The following CNTNAP4 variants were observed in gnomAD, a reference collection of about 807,000 sequenced individuals.
CNTNAP4 encodes the protein contactin-associated protein-like 4.
In CNTNAP4, 98 loss-of-function variants were observed where a neutral mutation model predicts 148.4. That is an observed-to-expected ratio of 0.66 (90% CI 0.56 to 0.78). The LOEUF (loss-of-function observed/expected upper bound fraction) is 0.78. Among genes scored for constraint, CNTNAP4 ranks in the 30% least tolerant of loss-of-function variants. The pLI, the probability that CNTNAP4 is intolerant of heterozygous loss-of-function variation, is 0.00. For missense variants in CNTNAP4, 1,935 were observed against 1,565.6 expected (o/e 1.24, Z -3.98); for synonymous variants, 730 against 565.1 (o/e 1.29, Z -4.14).
At chr16:76,352,587 A>G (rs1168457750) in intron 2 of CNTNAP4, among the ~76,000 whole-genome samples, 2 of 152,108 alleles carry the variant, frequency 1.3e-5, no homozygotes, top group African/African-American at 4.8e-5. Context: ...CTGATGCACC[A>G]TCTACTATGT....
chr16:76,389,668 T>TC (rs1345168198), intron 3 of CNTNAP4, among the ~76,000 whole-genome samples: 2 of 151,926 alleles, frequency 1.3e-5, no homozygotes, highest in Non-Finnish European at 2.9e-5. Context: ...CGCCATGTTG[T>TC]CCAGGCTGGT....
chr16:76,337,707 A>T lies in CNTNAP4; in HGVS notation c.197-17611A>T, dbSNP rs535157304. 1.1e-4 allele frequency among the ~76,000 whole-genome samples: 16 copies of T among 152,252 alleles called. No homozygotes were observed. The South Asian group carries it at 3.1e-3, about 30-fold the overall frequency. On this transcript the variant is annotated intron_variant, in intron 2 of 23. Coordinates refer to ENST00000611870, the MANE Select transcript of CNTNAP4 (RefSeq NM_033401.5). ...GGTAAGCCTGAGGGTACTGCAGGAG[A>T]CCAGGGTGTATTTCATCCCTTATCT...
Position 76,388,594 on chromosome 16 carries a change from A to G in CNTNAP4, c.390+33083A>G, listed in dbSNP as rs141537523. On this transcript the variant is annotated intron_variant, in intron 3 of 23. Coordinates refer to ENST00000611870, the MANE Select transcript of CNTNAP4 (RefSeq NM_033401.5). ...CTATCTAAAAGTCATCTCCTGTAAT[A>G]CTGTGATTTGTAATAATATTTTATG... Among the ~76,000 whole-genome samples the G allele has an allele frequency of 1.4e-3, 219 of 152,322 alleles. 3 individuals are homozygous for G. Among genetic ancestry groups the G allele is most frequent in the Middle Eastern group, 6.8e-3 (2 of 294 alleles).
chr16:76,452,520 T>C lies in CNTNAP4; in HGVS notation c.1084T>C (p.Phe362Leu), dbSNP rs374394050. 3.1e-6 allele frequency: 5 copies of C among 1,614,004 alleles called. No homozygotes were observed. Among genetic ancestry groups the C allele is most frequent in the Non-Finnish European group, 4.2e-6 (5 of 1,179,866 alleles). ...PQIIAMGNVS[F>L]SCSQPQSMPV... is the part of the protein sequence containing the mutation. ...ACTTTATTCTCAGGGAAATGTGTCA[T>C]TTTCTTGTTCACAACCACAATCTAT... The change falls in exon 8 of 24, where the codon TTT becomes CTT. Residue 362 changes from phenylalanine to leucine, a missense_variant. Transcript: ENST00000611870.
chr16:76,522,061 A>G lies in CNTNAP4; in HGVS notation c.2559A>G (p.Ser853=), dbSNP rs778160561. The change falls in exon 17 of 24, where the codon TCA becomes TCG. Residue 853 remains serine, a synonymous_variant. Transcript: ENST00000611870. The stretch of plus-strand genomic sequence containing the variant: ...CAGCTCCGACAGTAGTGACTTTTTC[A>G]TTTGATGTGGGGAATGGGCCTTTTG... ...ELRSPTVVTF[S]FDVGNGPFEI... 4 of 1,613,768 alleles carry G rather than the reference A, an allele frequency of 2.5e-6. No homozygotes were observed. The highest frequency in any genetic ancestry group is 1.7e-5 in the Admixed American group (1 of 60,002).
intron 1 of CNTNAP4, among the ~76,000 whole-genome samples, chr16:76,303,594 C>T (rs564912006): frequency 6.6e-6 from 1 of 152,156 alleles, no homozygotes; most frequent in Non-Finnish European, 1.5e-5. Flanking sequence ...GAATTTCTAA[C>T]TGTATCATCA....
chr16:76,342,708 G>GGCATAAAT (rs1964578232), intron 2 of CNTNAP4, among the ~76,000 whole-genome samples: 1 of 151,962 alleles, frequency 6.6e-6, no homozygotes, highest in African/African-American at 2.4e-5. Context: ...TCCTGACCTC[G>GGCATAAAT]TGATCTGCCC....
rs1204068788 is a variant in CNTNAP4, at chr16:76,559,665, T to C, written c.*982T>C. On this transcript the variant is annotated 3_prime_UTR_variant, in exon 24 of 24. Transcript: ENST00000611870. ...TACATTTCTGTTTTTCTGAAGTTTA[T>C]CACAAACTTCGCCTTGATCTTCAAT... 6.6e-6 allele frequency among the ~76,000 whole-genome samples: 1 copy of C among 152,182 alleles called. No individual in the cohort carries two copies. The highest frequency in any genetic ancestry group is 2.4e-5 in the African/African-American group (1 of 41,452).
At chr16:76,347,191 T>C (rs1302028137) in intron 2 of CNTNAP4, among the ~76,000 whole-genome samples, 2 of 151,940 alleles carry the variant, frequency 1.3e-5, no homozygotes, top group Non-Finnish European at 2.9e-5. Flanking sequence ...CTTAAACTTC[T>C]GTTTGAAAAC....
chr16:76,299,710 G>A (rs1036261115), intron 1 of CNTNAP4, among the ~76,000 whole-genome samples: 10 of 152,120 alleles, frequency 6.6e-5, no homozygotes, highest in African/African-American at 2.2e-4. Flanking sequence ...GTTTATTGTG[G>A]CACTATTCAC....
intron 2 of CNTNAP4, among the ~76,000 whole-genome samples, chr16:76,329,802 A>G (rs752175063): frequency 6.6e-6 from 1 of 152,238 alleles, no homozygotes; most frequent in Non-Finnish European, 1.5e-5. Flanking sequence ...AATTGGCTGT[A>G]TAAAATATAA....
chr16:76,352,349 G>A (rs1173086440), intron 2 of CNTNAP4, among the ~76,000 whole-genome samples: 2 of 152,040 alleles, frequency 1.3e-5, no homozygotes, highest in South Asian at 2.1e-4. Flanking sequence ...TCAAAGACAC[G>A]GTCCATTGTA....
chr16:76,373,168 A>G (rs2015033580), intron 3 of CNTNAP4, among the ~76,000 whole-genome samples: 1 of 151,734 alleles, frequency 6.6e-6, no homozygotes, highest in Non-Finnish European at 1.5e-5. Flanking sequence ...TATATTCCAC[A>G]TAAATAGGTG....
At chr16:76,548,617 C>G (rs991528262) in intron 21 of CNTNAP4, among the ~76,000 whole-genome samples, 12 of 151,952 alleles carry the variant, frequency 7.9e-5, no homozygotes, top group Non-Finnish European at 1.3e-4. Flanking sequence ...AGAAGTCACT[C>G]CCTTTGTTGG....
chr16:76,369,829 G>A (rs1042662556), intron 3 of CNTNAP4, among the ~76,000 whole-genome samples: 3 of 152,152 alleles, frequency 2.0e-5, no homozygotes, highest in Non-Finnish European at 2.9e-5. Flanking sequence ...GCAACAGAGT[G>A]AGACCCTGTT....
At chr16:76,474,992 T>G (rs1214677431) in intron 10 of CNTNAP4, among the ~76,000 whole-genome samples, 2 of 152,182 alleles carry the variant, frequency 1.3e-5, no homozygotes, top group East Asian at 3.9e-4. Context: ...TCTCAAGACT[T>G]GAAACCAGAT....
chr16:76,490,337 G>C (rs1013355000), intron 13 of CNTNAP4, among the ~76,000 whole-genome samples: 1 of 152,174 alleles, frequency 6.6e-6, no homozygotes, highest in African/African-American at 2.4e-5. Context: ...TGGAAAATTA[G>C]AAAAGGCTGC....
chr16:76,437,258 T>C (rs562879899), intron 4 of CNTNAP4, among the ~76,000 whole-genome samples: 1 of 152,192 alleles, frequency 6.6e-6, no homozygotes, highest in South Asian at 2.1e-4. Context: ...TGGGTCTGCC[T>C]TCCCCAGCCC....
intron 13 of CNTNAP4, among the ~76,000 whole-genome samples, chr16:76,490,664 C>T (rs531052046): frequency 6.6e-6 from 1 of 152,212 alleles, no homozygotes; most frequent in South Asian, 2.1e-4. Flanking sequence ...AAATGCTGCC[C>T]CCACTTTTAA....
Sources: gnomAD v4.1 joint callset for allele counts (sites outside exome capture counted in the v4.1 genomes callset) on GRCh38, gnomAD v4.1.1 for gene constraint, MANE v1.5 for transcripts, NCBI Gene and HGNC (gene_info 2026-07-23, HGNC 2026-07-21) for gene names.